ARL15: variants seen among roughly 807,000 people sequenced by gnomAD.
The protein encoded by ARL15 is ADP-ribosylation factor-like protein 15.
In ARL15, 19 loss-of-function variants were observed where a neutral mutation model predicts 25.2. That is an observed-to-expected ratio of 0.75 (90% CI 0.53 to 1.10). The LOEUF (loss-of-function observed/expected upper bound fraction) is 1.10, where lower values mean the gene tolerates loss of function less well. Among genes scored for constraint, ARL15 ranks in the 50% least tolerant of loss-of-function variants. ARL15 has a pLI of 0.00. For synonymous variants in ARL15, 94 were observed against 86.8 expected, an observed-to-expected ratio of 1.08 and a Z score of -0.46; for missense variants, 220 against 246.0, an observed-to-expected ratio of 0.89 and a Z score of 0.71.
chr5:54,026,113 T>C (rs912438033), intron 4 of ARL15, among the ~76,000 whole-genome samples: 8 of 152,242 alleles, frequency 5.3e-5, no homozygotes, highest in African/African-American at 1.2e-4. Context: ...ACTGAGTTAA[T>C]GCTGAATTTT....
At chr5:54,229,587 A>C (rs1328513033) in intron 1 of ARL15, among the ~76,000 whole-genome samples, 2 of 152,232 alleles carry the variant, frequency 1.3e-5, no homozygotes, top group African/African-American at 4.8e-5. Flanking sequence ...GAGATACACT[A>C]ACCCAGGCTC....
intron 4 of ARL15, among the ~76,000 whole-genome samples, chr5:54,016,582 C>T (rs1245353908): frequency 2.6e-5 from 4 of 152,150 alleles, no homozygotes; most frequent in Non-Finnish European, 5.9e-5. Context: ...AACACCGGCT[C>T]CCCACCCCAT....
At chr5:54,261,229 G>C (rs1240399385) in intron 1 of ARL15, among the ~76,000 whole-genome samples, 1 of 152,198 alleles carries the variant, frequency 6.6e-6, no homozygotes, top group Non-Finnish European at 1.5e-5. Context: ...ATATTCTATA[G>C]GCAATAACAC....
At chr5:54,008,992 T>C (rs1224770147) in intron 4 of ARL15, among the ~76,000 whole-genome samples, 1 of 152,218 alleles carries the variant, frequency 6.6e-6, no homozygotes, top group Non-Finnish European at 1.5e-5. Flanking sequence ...TTCATTATTT[T>C]AAGGTTTTGA....
At chr5:53,928,295 GTTTTC>G (rs1746095318) in intron 4 of ARL15, among the ~76,000 whole-genome samples, 1 of 152,150 alleles carries the variant, frequency 6.6e-6, no homozygotes, top group Non-Finnish European at 1.5e-5. Flanking sequence ...TTGGATTAAT[GTTTTC>G]TTTTAACTGC....
intron 3 of ARL15, among the ~76,000 whole-genome samples, chr5:54,145,816 C>T (rs1285529308): frequency 6.6e-6 from 1 of 152,196 alleles, no homozygotes; most frequent in African/African-American, 2.4e-5. Context: ...AAATTTCCCT[C>T]CAGCTTGAAA....
At chr5:54,200,148 G>T (rs983147463) in intron 1 of ARL15, among the ~76,000 whole-genome samples, 1 of 131,502 alleles carries the variant, frequency 7.6e-6, no homozygotes, top group Admixed American at 7.8e-5. Flanking sequence ...CTGTTGTGGG[G>T]TGGGGGGAGG....
chr5:53,978,734 C>T (rs1317285063), intron 4 of ARL15, among the ~76,000 whole-genome samples: 2 of 150,860 alleles, frequency 1.3e-5, no homozygotes, highest in Non-Finnish European at 2.9e-5. Flanking sequence ...TATATATATA[C>T]ACACACATAT....
chr5:54,243,975 G>A (rs1331577067), intron 1 of ARL15, among the ~76,000 whole-genome samples: 4 of 152,150 alleles, frequency 2.6e-5, no homozygotes, highest in African/African-American at 7.2e-5. Flanking sequence ...TTTGAGCAAC[G>A]ATCAAAGAGC....
chr5:54,217,896 CT>C (rs1299672410), intron 1 of ARL15, among the ~76,000 whole-genome samples: 36 of 152,066 alleles, frequency 2.4e-4, no homozygotes, highest in African/African-American at 8.4e-4. Context: ...TAATGGCTTT[CT>C]TTCAGGCTGT....
intron 4 of ARL15, among the ~76,000 whole-genome samples, chr5:53,897,057 A>G (rs921868131): frequency 3.9e-5 from 6 of 152,102 alleles, no homozygotes; most frequent in Non-Finnish European, 1.5e-5. Flanking sequence ...CTATCTTTCC[A>G]TCTTGCTCTA....
At chr5:54,095,592 T>C (rs1476824650) in intron 4 of ARL15, among the ~76,000 whole-genome samples, 1 of 152,192 alleles carries the variant, frequency 6.6e-6, no homozygotes, top group Non-Finnish European at 1.5e-5. Flanking sequence ...TGTAGTCCTG[T>C]GTTGTTTCTG....
chr5:54,115,112 A>G (rs1006246633), intron 3 of ARL15, among the ~76,000 whole-genome samples: 1 of 152,224 alleles, frequency 6.6e-6, no homozygotes, highest in African/African-American at 2.4e-5. Flanking sequence ...TATGGAAATC[A>G]GCAAATCCTA....
intron 1 of ARL15, among the ~76,000 whole-genome samples, chr5:54,186,261 G>A (rs575375721): frequency 9.2e-4 from 140 of 152,256 alleles, no homozygotes; most frequent in African/African-American, 3.3e-3. Context: ...AAGCCAATAC[G>A]GTGAGCAAAA....
chr5:54,009,797 A>C (rs184733763), intron 4 of ARL15, among the ~76,000 whole-genome samples: 26 of 152,314 alleles, frequency 1.7e-4, no homozygotes, highest in African/African-American at 6.0e-4. Flanking sequence ...AATCTGTGGA[A>C]ATGGCAGGCA....
intron 4 of ARL15, among the ~76,000 whole-genome samples, chr5:54,053,067 C>T (rs1435943346): frequency 6.6e-6 from 1 of 152,046 alleles, no homozygotes; most frequent in Non-Finnish European, 1.5e-5. Context: ...ATTTAAGCAA[C>T]AAAATAACAG....
At chr5:54,235,906 G>A (rs181575317) in intron 1 of ARL15, among the ~76,000 whole-genome samples, 2 of 152,210 alleles carry the variant, frequency 1.3e-5, no homozygotes, top group Admixed American at 1.3e-4. Context: ...ATCAAATATG[G>A]AATTTTTAAG....
chr5:54,216,651 A>ACC (rs1231649684), intron 1 of ARL15, among the ~76,000 whole-genome samples: 3 of 152,080 alleles, frequency 2.0e-5, no homozygotes, highest in Non-Finnish European at 4.4e-5. Context: ...ACACACACAC[A>ACC]CACCTAATTA....
Position 53,940,983 on chromosome 5 carries a change from C to A in ARL15, c.463-54270G>T, listed in dbSNP as rs141964840. The stretch of plus-strand genomic sequence containing the variant: ...TCCATTAAAGCTTACCAATTAATTA[C>A]CAAGTTTAGTCAATGGGGTTCCTTT... On this transcript the variant is annotated intron_variant, in intron 4 of 4. Coordinates refer to ENST00000504924, the MANE Select transcript of ARL15 (RefSeq NM_019087.3). Among the ~76,000 whole-genome samples, 11 of 152,168 alleles carry A rather than the reference C, an allele frequency of 7.2e-5. No individual in the cohort carries two copies. The East Asian group carries it at 2.1e-3, about 29-fold the overall frequency.
Sources: gnomAD v4.1 joint callset for allele counts (sites outside exome capture counted in the v4.1 genomes callset) on GRCh38, gnomAD v4.1.1 for gene constraint, MANE v1.5 for transcripts, NCBI Gene and HGNC (gene_info 2026-07-23, HGNC 2026-07-21) for gene names.